FAM178B: variants seen among roughly 807,000 people sequenced by gnomAD.
FAM178B encodes the protein protein FAM178B.
Under a neutral mutation model 91.7 loss-of-function variants are expected in FAM178B, and 82 were observed. The ratio of observed to expected loss-of-function variants is 0.89; its 90% CI spans 0.75 to 1.07. The LOEUF is 1.07. FAM178B is among the 50% of genes least tolerant of loss of function. FAM178B has a pLI of 0.00. For missense variants in FAM178B, 769 were observed against 846.7 expected (o/e 0.91, Z 1.14); for synonymous variants, 368 against 359.4 (o/e 1.02, Z -0.27).
chr2:96,942,170 A>C (rs375668146), intron 8 of FAM178B, among the ~76,000 whole-genome samples: 2 of 152,268 alleles, frequency 1.3e-5, no homozygotes, highest in East Asian at 1.9e-4. Context: ...AGACATGTAC[A>C]CTGAAAATTA....
At chr2:96,980,420 T>G (rs1239233801) in intron 1 of FAM178B, among the ~76,000 whole-genome samples, 3 of 148,726 alleles carry the variant, frequency 2.0e-5, no homozygotes, top group Non-Finnish European at 4.5e-5. Flanking sequence ...ATTTTGGAGA[T>G]GAGGTCTTGC....
chr2:96,909,135 T>C (rs1205286066), intron 12 of FAM178B, among the ~76,000 whole-genome samples: 1 of 139,862 alleles, frequency 7.1e-6, no homozygotes, highest in Admixed American at 7.3e-5. Context: ...AGATCAAGAC[T>C]CTGTCTCAAA....
intron 13 of FAM178B, among the ~76,000 whole-genome samples, chr2:96,894,595 C>T (rs1254682563): frequency 1.7e-5 from 2 of 116,670 alleles, no homozygotes; most frequent in African/African-American, 6.9e-5. Flanking sequence ...CACTCACCCA[C>T]ATACAGACCT....
chr2:96,953,806 C>T (rs900666409), intron 6 of FAM178B, among the ~76,000 whole-genome samples: 1 of 152,204 alleles, frequency 6.6e-6, no homozygotes, highest in Non-Finnish European at 1.5e-5. Context: ...CCTTCCACGC[C>T]CTTCAGGTTA....
rs765827824 is a variant in FAM178B, at chr2:96,876,341, C to T, written c.2008-33G>A. 4 of 1,581,832 alleles carry T rather than the reference C, an allele frequency of 2.5e-6. No individual in the cohort carries two copies. In the Admixed American group the frequency reaches 7.4e-5, roughly 29 times the overall value. On this transcript the variant is annotated intron_variant, in intron 16 of 16. Coordinates refer to ENST00000490605, the MANE Select transcript of FAM178B (RefSeq NM_001122646.3). ...GAGGAGAAAAGCAGGCTGTGAGGGC[C>T]TGGGCCCAGGTGCTGCCCACTGCCC... is the stretch of plus-strand genomic sequence containing the variant.
chr2:96,926,709 C>G (rs530014786), intron 9 of FAM178B, among the ~76,000 whole-genome samples: 1 of 152,188 alleles, frequency 6.6e-6, no homozygotes, highest in African/African-American at 2.4e-5. Flanking sequence ...GGCCCAGCTG[C>G]GGAAGGACTG....
intron 6 of FAM178B, among the ~76,000 whole-genome samples, chr2:96,959,114 G>A (rs570374613): frequency 6.7e-5 from 10 of 148,876 alleles, no homozygotes; most frequent in East Asian, 6.1e-4. Context: ...CATGAGAATC[G>A]CTTGAACCCA....
At chr2:96,879,339 T>G (rs928950580) in intron 14 of FAM178B, among the ~76,000 whole-genome samples, 1 of 152,076 alleles carries the variant, frequency 6.6e-6, no homozygotes, top group African/African-American at 2.4e-5. Flanking sequence ...AGAGGCGGGC[T>G]CTAGAAATGC....
At chr2:96,921,292 A>G (rs1275441521) in intron 11 of FAM178B, 30 bp from the exon 12 acceptor site, 3 of 1,546,520 alleles carry the variant, frequency 1.9e-6, no homozygotes, top group South Asian at 1.2e-5. Flanking sequence ...CATGGGCTAC[A>G]GGAGGACACC....
Position 96,923,501 on chromosome 2 carries a change from G to A in FAM178B, c.1276C>T (p.His426Tyr), listed in dbSNP as rs765842119. Residue 426 changes from histidine to tyrosine, a missense_variant, in exon 10 of 17, where the codon CAC becomes TAC. Physicochemically the swap from His to Tyr is moderately conservative, Grantham distance 83. Transcript: ENST00000490605. ...GCGGCTTGACTCACCTTGTAGATGTGGCCCAGGCTGATGTCCAAGGCAATC... is the reference window on the plus strand; with the variant it reads ...GCGGCTTGACTCACCTTGTAGATGTAGCCCAGGCTGATGTCCAAGGCAATC... The part of the protein sequence containing the change: ...QEIALDISLG[H>Y]IYKFLALCAQ... The A allele has an allele frequency of 1.1e-5, 17 of 1,551,258 alleles. No individual in the cohort carries two copies. In the Admixed American group the frequency reaches 2.5e-4, roughly 23 times the overall value.
rs537449028 is a variant in FAM178B at position 96,915,276 on chromosome 2, AT to A, written c.1562+5888del. On this transcript the variant is annotated intron_variant, in intron 12 of 16. Coordinates refer to ENST00000490605, the MANE Select transcript of FAM178B (RefSeq NM_001122646.3). ...AGGTGCATGCCACCATGCCCAGCTA[AT>A]TTTTTTTTTTTTCTATTTTTAGTAG... is the stretch of plus-strand genomic sequence containing the variant. Among the ~76,000 whole-genome samples the A allele has an allele frequency of 7.6e-3, 1,094 of 143,800 alleles. 14 individuals carry two copies. The highest frequency in any genetic ancestry group is 0.023 in the African/African-American group (905 of 39,426). The allele number at this position is 143,800 out of a possible 152,430, so 94.3% of individuals were successfully genotyped here.
chr2:96,951,364 G>A lies in FAM178B; in HGVS notation c.993+15C>T, dbSNP rs539817092. 2.6e-6 allele frequency: 4 copies of A among 1,535,786 alleles called. No homozygotes were observed. Among genetic ancestry groups the A allele is most frequent in the East Asian group, 2.4e-5 (1 of 40,852 alleles). On this transcript the variant is annotated intron_variant, in intron 7 of 16. Transcript: ENST00000490605. ...CAGCGCTCCCGCCACCTAGTGGCAG[G>A]CCTGCGGTCCTCACCTGGAACAGCC... is the stretch of plus-strand genomic sequence containing the variant.
At chr2:96,915,203 G>A (rs996445512) in intron 12 of FAM178B, among the ~76,000 whole-genome samples, 5 of 151,586 alleles carry the variant, frequency 3.3e-5, no homozygotes, top group African/African-American at 7.3e-5. Flanking sequence ...TCTGCCTCCC[G>A]GGTTCAAATG....
chr2:96,889,721 T>TAAATA (rs1479006608), intron 14 of FAM178B, among the ~76,000 whole-genome samples: 6 of 127,754 alleles, frequency 4.7e-5, no homozygotes, highest in Middle Eastern at 4.1e-3. Flanking sequence ...AATAAATAAA[T>TAAATA]ACAAAAAAAA....
chr2:96,962,945 G>A (rs938295902), intron 5 of FAM178B, among the ~76,000 whole-genome samples: 11 of 152,160 alleles, frequency 7.2e-5, no homozygotes, highest in Non-Finnish European at 1.3e-4. Context: ...TTTGTACACT[G>A]GTGAATGACT....
intron 6 of FAM178B, among the ~76,000 whole-genome samples, chr2:96,959,492 C>G (rs2082050445): frequency 6.6e-6 from 1 of 152,124 alleles, no homozygotes; most frequent in Admixed American, 6.5e-5. Context: ...GAAAAGAGAG[C>G]AAGACTCTGG....
Position 96,945,815 on chromosome 2 carries a change from C to CT in FAM178B, c.1078+2002dup, listed in dbSNP as rs201725939. On this transcript the variant is annotated intron_variant, in intron 8 of 16. Transcript: ENST00000490605. ...CCTGGCCCTTTTGCTCTTGACCTAG[C>CT]TTTTTTTTAAGTTGTGGTAAAATAC... Among the ~76,000 whole-genome samples the CT allele has an allele frequency of 1.5e-3, 235 of 152,128 alleles. 3 individuals carry two copies. The highest frequency in any genetic ancestry group is 0.013 in the Admixed American group (198 of 15,286).
At chr2:96,928,000 G>C (rs529437575) in intron 9 of FAM178B, among the ~76,000 whole-genome samples, 9 of 152,386 alleles carry the variant, frequency 5.9e-5, no homozygotes, top group African/African-American at 2.2e-4. Flanking sequence ...CGAGCTCCGG[G>C]AGGGAAAGGG....
chr2:96,932,941 C>CAA (rs35133795), intron 8 of FAM178B, among the ~76,000 whole-genome samples: 527 of 32,884 alleles, frequency 0.016, 10 homozygotes, highest in East Asian at 0.023. Flanking sequence ...CTCCGTCTCA[C>CAA]AAAAAAAAAA....
Sources: allele counts gnomAD v4.1 joint callset (sites outside exome capture counted in the v4.1 genomes callset), GRCh38; gene constraint gnomAD v4.1.1; transcripts MANE v1.5; gene names NCBI Gene and HGNC (gene_info 2026-07-23, HGNC 2026-07-21).